Variants in PRMT3 observed in about 807,000 individuals in gnomAD.
PRMT3 encodes the protein protein arginine methyltransferase 3.
Under a neutral mutation model 71.9 loss-of-function variants are expected in PRMT3, and 62 were observed. The ratio of observed to expected loss-of-function variants is 0.86; its 90% CI spans 0.70 to 1.07. The LOEUF is 1.07. Among genes scored for constraint, PRMT3 ranks in the 50% least tolerant of loss-of-function variants. PRMT3 has a pLI of 0.00. For synonymous variants in PRMT3, 213 were observed against 220.4 expected (o/e 0.97, Z 0.30); for missense variants, 663 against 643.0 (o/e 1.03, Z -0.34).
chr11:20,458,781 A>G (rs376008758), intron 11 of PRMT3, among the ~76,000 whole-genome samples: 1 of 152,200 alleles, frequency 6.6e-6, no homozygotes, highest in East Asian at 1.9e-4. Flanking sequence ...GCTTTTCTGT[A>G]TTTTTGTGAA....
intron 9 of PRMT3, among the ~76,000 whole-genome samples, chr11:20,420,115 T>C (rs1849394212): frequency 6.6e-6 from 1 of 152,174 alleles, no homozygotes; most frequent in Non-Finnish European, 1.5e-5. Context: ...GAGGTTGCAG[T>C]GAGCTGAGAT....
At chr11:20,389,072 G>A (rs938612623) in intron 2 of PRMT3, among the ~76,000 whole-genome samples, 2 of 152,176 alleles carry the variant, frequency 1.3e-5, no homozygotes, top group African/African-American at 4.8e-5. Context: ...TCCATAAATA[G>A]TCGACATAAC....
intron 9 of PRMT3, among the ~76,000 whole-genome samples, chr11:20,412,397 ACC>A (rs11325795): frequency 0.19 from 28,890 of 151,036 alleles, 3,001 homozygotes; most frequent in Admixed American, 0.3. Flanking sequence ...TGTAGTCTGA[ACC>A]CCCCCCCCAC....
chr11:20,439,088 A>G (rs1849826894), intron 10 of PRMT3, among the ~76,000 whole-genome samples: 1 of 152,216 alleles, frequency 6.6e-6, no homozygotes, highest in African/African-American at 2.4e-5. Context: ...GGTACACTTC[A>G]GCCATAGTTT....
At chr11:20,460,479 C>CT (rs1850358398) in intron 11 of PRMT3, among the ~76,000 whole-genome samples, 1 of 152,086 alleles carries the variant, frequency 6.6e-6, no homozygotes, top group African/African-American at 2.4e-5. Context: ...TCTTGGTTCT[C>CT]TTACTTTTGT....
intron 9 of PRMT3, among the ~76,000 whole-genome samples, chr11:20,416,731 C>T (rs868863182): frequency 2.6e-5 from 4 of 152,038 alleles, no homozygotes; most frequent in Non-Finnish European, 5.9e-5. Context: ...CACAGCTACA[C>T]ATTTGTAAAT....
chr11:20,401,830 A>G (rs1248702225), intron 7 of PRMT3, among the ~76,000 whole-genome samples: 1 of 152,178 alleles, frequency 6.6e-6, no homozygotes, highest in Non-Finnish European at 1.5e-5. Flanking sequence ...GTCACAGGTT[A>G]TGGGAGACTC....
At chr11:20,471,613 A>T (rs1307681601) in intron 13 of PRMT3, among the ~76,000 whole-genome samples, 1 of 152,164 alleles carries the variant, frequency 6.6e-6, no homozygotes, top group Non-Finnish European at 1.5e-5. Flanking sequence ...TGGTTACTGT[A>T]GCCATATGCT....
chr11:20,392,761 C>T (rs148760547), intron 4 of PRMT3, 136 bp from the exon 5 acceptor site: 52 of 567,280 alleles, frequency 9.2e-5, no homozygotes, highest in Middle Eastern at 4.8e-4. Context: ...ATGACAGGCA[C>T]GTAGACTTTT....
chr11:20,389,386 G>C (rs887748481), intron 2 of PRMT3, among the ~76,000 whole-genome samples: 1 of 152,208 alleles, frequency 6.6e-6, no homozygotes, highest in African/African-American at 2.4e-5. Flanking sequence ...TTGACACTTA[G>C]AGGAGAAAAG....
intron 12 of PRMT3, among the ~76,000 whole-genome samples, chr11:20,463,612 G>T (rs1471104448): frequency 6.7e-6 from 1 of 150,322 alleles, no homozygotes; most frequent in Admixed American, 6.6e-5. Flanking sequence ...TAAATAGTTT[G>T]TTCTGTATTT....
In PRMT3 at chr11:20,464,686, T is replaced by C; in HGVS notation, c.1347+140T>C. On this transcript the variant is annotated intron_variant, in intron 13 of 15. Transcript: ENST00000331079. ...TCTACCATTGCCTTTGCTAGGCCAT[T>C]GAACAGATCTGGTTAATAGGTCAGT... 4.5e-6 allele frequency: 6 copies of C among 1,332,700 alleles called. No homozygotes were observed. In the East Asian group the frequency reaches 1.3e-4, roughly 29 times the overall value. 82.6% of individuals were successfully genotyped at this position (1,332,700 alleles called of 1,614,324 possible).
At chr11:20,463,903 C>T (rs1850446176) in intron 12 of PRMT3, among the ~76,000 whole-genome samples, 1 of 151,848 alleles carries the variant, frequency 6.6e-6, no homozygotes, top group Non-Finnish European at 1.5e-5. Context: ...GGATCGAAAT[C>T]TCCATAGTTT....
chr11:20,392,268 G>T lies in PRMT3; in HGVS notation c.297+8G>T. 1 of 1,558,130 alleles carries T rather than the reference G, an allele frequency of 6.4e-7. No homozygotes were observed. Among genetic ancestry groups the T allele is most frequent in the Non-Finnish European group, 8.7e-7 (1 of 1,143,064 alleles). ...AATTTTATTAGACTTAAGGTAAGTT[G>T]ACAGCTTAATTTATAATTTCGTTTA... On this transcript the variant is annotated splice_region_variant and intron_variant, in intron 4 of 15. Coordinates refer to ENST00000331079, the MANE Select transcript of PRMT3 (RefSeq NM_005788.4).
In PRMT3 at chr11:20,508,573, A is replaced by G. The variant is rs914736715; in HGVS notation, c.*160A>G. ...AGTTCTCATTGTGGGAATCTGACATAGTTCAGCTGAGGAAGAGAATCAGCT... is the reference window on the plus strand; with the variant it reads ...AGTTCTCATTGTGGGAATCTGACATGGTTCAGCTGAGGAAGAGAATCAGCT... On this transcript the variant is annotated 3_prime_UTR_variant, in exon 16 of 16. Coordinates refer to ENST00000331079, the MANE Select transcript of PRMT3 (RefSeq NM_005788.4). 2.9e-6 allele frequency: 2 copies of G among 701,388 alleles called. No individual in the cohort carries two copies. Among genetic ancestry groups the G allele is most frequent in the Admixed American group, 4.0e-5 (2 of 49,710 alleles). 43.4% of individuals were successfully genotyped at this position (701,388 alleles called of 1,614,324 possible). A position where few individuals can be genotyped will look rare whatever the true frequency, so the allele number is the denominator to read the frequency against.
chr11:20,411,176 A>T (rs1363505663), intron 9 of PRMT3, among the ~76,000 whole-genome samples: 2 of 152,086 alleles, frequency 1.3e-5, no homozygotes, highest in Admixed American at 6.5e-5. Context: ...TAAGACCTAA[A>T]ATTTGAGCTC....
intron 9 of PRMT3, among the ~76,000 whole-genome samples, chr11:20,408,287 A>G (rs1447239794): frequency 6.6e-6 from 1 of 152,036 alleles, no homozygotes; most frequent in African/African-American, 2.4e-5. Context: ...CTATGGCTAT[A>G]AATATGCCAA....
intron 5 of PRMT3, among the ~76,000 whole-genome samples, chr11:20,394,871 G>A (rs562958597): frequency 1.3e-5 from 2 of 152,036 alleles, no homozygotes; most frequent in African/African-American, 4.8e-5. Flanking sequence ...TGTCCTCCAT[G>A]TTCATTCATA....
intron 6 of PRMT3, among the ~76,000 whole-genome samples, chr11:20,396,784 A>G (rs768110626): frequency 3.9e-4 from 59 of 152,190 alleles, no homozygotes; most frequent in Non-Finnish European, 7.6e-4. Flanking sequence ...ATAGGAATCA[A>G]CTGGGATCGT....
Sources: gnomAD v4.1 joint callset for allele counts (sites outside exome capture counted in the v4.1 genomes callset) on GRCh38, gnomAD v4.1.1 for gene constraint, MANE v1.5 for transcripts, NCBI Gene and HGNC (gene_info 2026-07-23, HGNC 2026-07-21) for gene names.